WDPCP: variants seen among roughly 807,000 people sequenced by gnomAD.
The protein encoded by WDPCP is WD repeat-containing and planar cell polarity effector protein fritz homolog.
In WDPCP, 71 loss-of-function variants were observed where a neutral mutation model predicts 93.1. The ratio of observed to expected loss-of-function variants is 0.76; its 90% CI spans 0.63 to 0.93. The LOEUF is 0.93. WDPCP is among the 40% of genes least tolerant of loss of function. The pLI, the probability that WDPCP is intolerant of heterozygous loss-of-function variation, is 0.00. For synonymous variants in WDPCP, 315 were observed against 315.0 expected (o/e 1.00, Z 0.00); for missense variants, 844 against 887.4 (o/e 0.95, Z 0.62).
At chr2:63,504,663 G>A (rs1002249463) in intron 1 of WDPCP, among the ~76,000 whole-genome samples, 1 of 151,886 alleles carries the variant, frequency 6.6e-6, no homozygotes, top group African/African-American at 2.4e-5. Flanking sequence ...TGACCCCTGA[G>A]ACAAATGTCA....
intron 2 of WDPCP, 67 bp from the exon 3 acceptor site, chr2:63,487,561 T>C (rs1415668962): frequency 1.2e-5 from 14 of 1,200,720 alleles, no homozygotes; most frequent in Non-Finnish European, 1.6e-5. Context: ...AGCCAAGCCA[T>C]ACTATATTAG....
At chr2:63,782,275 C>T (rs891105486) in intron 2 of WDPCP, among the ~76,000 whole-genome samples, 9 of 152,148 alleles carry the variant, frequency 5.9e-5, no homozygotes, top group Non-Finnish European at 1.2e-4. Flanking sequence ...ATGACTAAGA[C>T]TTCAAAAGCA....
rs3820714 is a variant in WDPCP, at chr2:63,588,425, T to A, written c.-154A>T. The A allele has an allele frequency of 2.2e-4, 180 of 827,708 alleles. No homozygotes were observed. The East Asian group carries it at 4.0e-3, about 19-fold the overall frequency. 51.3% of individuals were successfully genotyped at this position (827,708 alleles called of 1,614,324 possible). On this transcript the variant is annotated 5_prime_UTR_variant, in exon 1 of 18. Coordinates refer to ENST00000272321, the MANE Select transcript of WDPCP (RefSeq NM_015910.7). ...CAAAGCAGCCAGGGTGTGCGTGCGC[T>A]CCCGCCTCGTCGCTTAGCAACCTGA... is the stretch of plus-strand genomic sequence containing the variant.
At chr2:63,524,478 G>A (rs1300919522) in intron 1 of WDPCP, among the ~76,000 whole-genome samples, 8 of 152,036 alleles carry the variant, frequency 5.3e-5, no homozygotes, top group African/African-American at 1.9e-4. Flanking sequence ...TCTTTGACAA[G>A]GTCAACAAAA....
chr2:63,155,135 G>C (rs182561852), intron 15 of WDPCP, among the ~76,000 whole-genome samples: 42 of 152,276 alleles, frequency 2.8e-4, no homozygotes, highest in African/African-American at 9.1e-4. Context: ...AACAACAGTT[G>C]ATGAAGTTAC....
intron 3 of WDPCP, among the ~76,000 whole-genome samples, chr2:63,636,671 C>T (rs900719681): frequency 1.3e-5 from 2 of 152,048 alleles, no homozygotes; most frequent in African/African-American, 4.8e-5. Flanking sequence ...TTCTTAATTT[C>T]AAACTACATT....
chr2:63,662,590 A>G (rs2106634969), intron 2 of WDPCP, among the ~76,000 whole-genome samples: 1 of 152,072 alleles, frequency 6.6e-6, no homozygotes, highest in South Asian at 2.1e-4. Context: ...CAAAGTCATG[A>G]GACTTGGAGC....
At chr2:63,758,715 C>T (rs1487689103) in intron 2 of WDPCP, among the ~76,000 whole-genome samples, 1 of 152,174 alleles carries the variant, frequency 6.6e-6, no homozygotes, top group Non-Finnish European at 1.5e-5. Context: ...GCTGGGATTA[C>T]AGGCATGAGC....
intron 3 of WDPCP, chr2:63,597,296 A>C (rs1709332573): frequency 7.9e-7 from 1 of 1,268,966 alleles, no homozygotes; most frequent in Admixed American, 3.8e-5. Context: ...ATATGTAAAC[A>C]CTTGCAACAA....
chr2:63,346,733 C>T (rs1395158131), intron 12 of WDPCP, among the ~76,000 whole-genome samples: 2 of 152,192 alleles, frequency 1.3e-5, no homozygotes, highest in Admixed American at 6.5e-5. Context: ...CTCTCCAGTA[C>T]ACAAACCTGC....
chr2:63,449,164 A>G (rs1365966815), intron 6 of WDPCP, among the ~76,000 whole-genome samples: 1 of 151,514 alleles, frequency 6.6e-6, no homozygotes, highest in Non-Finnish European at 1.5e-5. Flanking sequence ...AATAAAAGTG[A>G]AAAAAAAATC....
At chr2:63,148,740 G>A (rs1243409890) in intron 17 of WDPCP, among the ~76,000 whole-genome samples, 1 of 152,050 alleles carries the variant, frequency 6.6e-6, no homozygotes, top group Admixed American at 6.6e-5. Flanking sequence ...TGGAGAAATA[G>A]TAGATTCTAG....
chr2:63,534,327 A>C (rs1704098027), intron 1 of WDPCP, among the ~76,000 whole-genome samples: 1 of 151,590 alleles, frequency 6.6e-6, no homozygotes, highest in African/African-American at 2.4e-5. Flanking sequence ...TCCAATCAAT[A>C]GAAAAAGAGG....
At chr2:63,263,256 T>C (rs1249852792) in intron 13 of WDPCP, among the ~76,000 whole-genome samples, 1 of 152,190 alleles carries the variant, frequency 6.6e-6, no homozygotes, top group East Asian at 1.9e-4. Flanking sequence ...ATTTACACAA[T>C]TAAATGCTAT....
At chr2:63,824,449 G>A (rs980229830) in intron 1 of WDPCP, among the ~76,000 whole-genome samples, 3 of 142,710 alleles carry the variant, frequency 2.1e-5, no homozygotes, top group Non-Finnish European at 3.0e-5. Flanking sequence ...TTGGGAAGCT[G>A]AAGTGGGAGA....
upstream of WDPCP, chr2:63,589,308 C>G: frequency 6.4e-7 from 1 of 1,550,718 alleles, no homozygotes; most frequent in Non-Finnish European, 8.7e-7. Context: ...CTTAATCCTG[C>G]TGCATGACGG....
rs929489351 is a variant in WDPCP, at chr2:63,252,246, T to G, written c.1915+7061A>C. On this transcript the variant is annotated intron_variant, in intron 14 of 17. Coordinates refer to ENST00000272321, the MANE Select transcript of WDPCP (RefSeq NM_015910.7). ...TGATAAAATCCAACATCCTCCTTGA[T>G]AAAAAACCCTCAACAAGCTAGGCAT... 2.8e-4 allele frequency among the ~76,000 whole-genome samples: 43 copies of G among 152,020 alleles called. 1 individual carries two copies. The highest frequency in any genetic ancestry group is 1.5e-4 in the Non-Finnish European group (10 of 67,976).
chr2:63,142,831 TG>T (rs1671182010), intron 17 of WDPCP, among the ~76,000 whole-genome samples: 2 of 151,646 alleles, frequency 1.3e-5, no homozygotes, highest in African/African-American at 4.8e-5. Flanking sequence ...TGTGTGTGTG[TG>T]TGTGTGTGTG....
intron 1 of WDPCP, among the ~76,000 whole-genome samples, chr2:63,558,564 G>A (rs866231063): frequency 5.5e-4 from 84 of 151,366 alleles, no homozygotes; most frequent in Middle Eastern, 6.8e-3. Context: ...AAAAAGAAAA[G>A]AGAGAATAAT....
Sources: gnomAD v4.1 joint callset for allele counts (sites outside exome capture counted in the v4.1 genomes callset) on GRCh38, gnomAD v4.1.1 for gene constraint, MANE v1.5 for transcripts, NCBI Gene and HGNC (gene_info 2026-07-23, HGNC 2026-07-21) for gene names.